RGS7: variants seen among roughly 807,000 people sequenced by gnomAD.
The protein encoded by RGS7 is regulator of G protein signaling 7.
In RGS7, 27 loss-of-function variants were observed where a neutral mutation model predicts 81.1. That is an observed-to-expected ratio of 0.33 (90% CI 0.25 to 0.46). RGS7 has a LOEUF of 0.46. RGS7 is among the 20% of genes least tolerant of loss of function. RGS7 has a pLI of 1.00. For synonymous variants in RGS7, 208 were observed against 207.7 expected, an observed-to-expected ratio of 1.00 and a Z score of -0.01; for missense variants, 396 against 607.4, an observed-to-expected ratio of 0.65 and a Z score of 3.66.
At chr1:241,149,000 A>T (rs1359554722) in intron 2 of RGS7, among the ~76,000 whole-genome samples, 1 of 152,260 alleles carries the variant, frequency 6.6e-6, no homozygotes, top group Admixed American at 6.5e-5. Context: ...CCAACAGGGC[A>T]TCACTGGATT....
At chr1:241,114,318 G>A (rs1053337813) in intron 2 of RGS7, among the ~76,000 whole-genome samples, 1 of 151,210 alleles carries the variant, frequency 6.6e-6, no homozygotes, top group Admixed American at 6.6e-5. Flanking sequence ...GTCAGAGCTC[G>A]CTCTTTCTCT....
At chr1:240,835,074 G>A (rs529348010) in intron 9 of RGS7, among the ~76,000 whole-genome samples, 6 of 151,918 alleles carry the variant, frequency 3.9e-5, no homozygotes, top group South Asian at 2.1e-4. Flanking sequence ...ATACCCTATC[G>A]AAGGCACAAT....
intron 5 of RGS7, among the ~76,000 whole-genome samples, chr1:240,932,788 G>T (rs1451352165): frequency 6.7e-6 from 1 of 149,720 alleles, no homozygotes; most frequent in Non-Finnish European, 1.5e-5. Context: ...GATTACAGGT[G>T]TGAGCCACTG....
At chr1:240,956,962 T>C (rs1214169717) in intron 4 of RGS7, among the ~76,000 whole-genome samples, 1 of 152,160 alleles carries the variant, frequency 6.6e-6, no homozygotes, top group East Asian at 1.9e-4. Context: ...TTTGAGAAAC[T>C]GTCATAGTCT....
At chr1:240,790,767 T>C (rs1313261490) in intron 18 of RGS7, among the ~76,000 whole-genome samples, 1 of 152,136 alleles carries the variant, frequency 6.6e-6, no homozygotes, top group African/African-American at 2.4e-5. Flanking sequence ...GGGCTGGGGA[T>C]TGGACCCAGG....
intron 18 of RGS7, among the ~76,000 whole-genome samples, chr1:240,794,543 C>T (rs1891429): frequency 0.088 from 13,327 of 152,216 alleles, 1,965 homozygotes; most frequent in African/African-American, 0.3. Flanking sequence ...TCCTAGGACC[C>T]TTTCCAAAAT....
chr1:240,944,282 G>GTATGTATATATA (rs1678184337), intron 4 of RGS7, among the ~76,000 whole-genome samples: 1 of 55,820 alleles, frequency 1.8e-5, no homozygotes, highest in Non-Finnish European at 3.1e-5. Context: ...GTGTGTGTGT[G>GTATGTATATATA]TATATATATA....
Position 240,781,659 on chromosome 1 carries a change from A to G in RGS7, c.*7-5446T>C, listed in dbSNP as rs138959628. 7.2e-3 allele frequency among the ~76,000 whole-genome samples: 1,096 copies of G among 152,330 alleles called. 19 individuals carry two copies. The highest frequency in any genetic ancestry group is 0.021 in the African/African-American group (878 of 41,572). On this transcript the variant is annotated intron_variant, in intron 18 of 18. Transcript: ENST00000440928. ...GTGGTATAGATTTATCAAATGTGCA[A>G]TAAGGATATTTGTTTTGTATATTGA...
intron 3 of RGS7, among the ~76,000 whole-genome samples, chr1:241,012,891 C>T (rs569418860): frequency 2.0e-5 from 3 of 152,096 alleles, no homozygotes; most frequent in South Asian, 4.1e-4. Flanking sequence ...GGCTGGGCTG[C>T]TACCCGTGAG....
chr1:240,831,216 G>A (rs905676946), intron 9 of RGS7, among the ~76,000 whole-genome samples: 2 of 151,646 alleles, frequency 1.3e-5, no homozygotes, highest in African/African-American at 4.9e-5. Flanking sequence ...AGGCCTCATG[G>A]GACAGCTAAT....
At chr1:241,093,337 C>A (rs1232446052) in intron 3 of RGS7, among the ~76,000 whole-genome samples, 1 of 152,046 alleles carries the variant, frequency 6.6e-6, no homozygotes, top group Non-Finnish European at 1.5e-5. Flanking sequence ...ACTTTTTAAA[C>A]CTCTGCTAAA....
chr1:240,813,396 G>T (rs1435596509), intron 13 of RGS7, among the ~76,000 whole-genome samples: 2 of 151,870 alleles, frequency 1.3e-5, no homozygotes, highest in African/African-American at 4.8e-5. Flanking sequence ...TTTTGGGACG[G>T]TCTTTCCAGC....
chr1:241,238,546 A>C (rs563310389), intron 2 of RGS7, among the ~76,000 whole-genome samples: 1 of 151,916 alleles, frequency 6.6e-6, no homozygotes, highest in African/African-American at 2.4e-5. Context: ...TTTTCTTTTA[A>C]AATTTTTAGA....
intron 9 of RGS7, among the ~76,000 whole-genome samples, chr1:240,834,669 C>T (rs1484601671): frequency 6.6e-6 from 1 of 152,006 alleles, no homozygotes; most frequent in East Asian, 1.9e-4. Context: ...CGCCACCACG[C>T]CCAGCTAATT....
intron 2 of RGS7, among the ~76,000 whole-genome samples, chr1:241,201,381 C>T (rs1021394716): frequency 1.3e-5 from 2 of 152,168 alleles, no homozygotes; most frequent in Admixed American, 1.3e-4. Flanking sequence ...GAACAAACTC[C>T]TTGGCCTGTC....
chr1:241,016,293 T>A (rs1013373002), intron 3 of RGS7, among the ~76,000 whole-genome samples: 6 of 151,918 alleles, frequency 3.9e-5, no homozygotes, highest in Non-Finnish European at 5.9e-5. Flanking sequence ...GCCAAGGTGG[T>A]CTGATTATGA....
chr1:240,963,154 AGAGAGAGGTG>A (rs548543174), intron 4 of RGS7, among the ~76,000 whole-genome samples: 2 of 152,272 alleles, frequency 1.3e-5, no homozygotes, highest in African/African-American at 4.8e-5. Flanking sequence ...TAGTGGGAGT[AGAGAGAGGTG>A]GACAGATCTG....
rs1041972046 is a variant in RGS7, at chr1:240,906,044, A to G, written c.385+24673T>C. Reference sequence around the variant, plus strand: ...TCTGCCCGGCATAGTCCTACCACCCATATTGCCACACTGGTTTTAGCAGGG... The same window carrying G: ...TCTGCCCGGCATAGTCCTACCACCCGTATTGCCACACTGGTTTTAGCAGGG... On this transcript the variant is annotated intron_variant, in intron 6 of 18. Coordinates refer to ENST00000440928, the MANE Select transcript of RGS7 (RefSeq NM_001364886.1). Among the ~76,000 whole-genome samples the G allele has an allele frequency of 5.9e-5, 9 of 152,154 alleles. No individual in the cohort carries two copies. In the South Asian group the frequency reaches 6.2e-4, roughly 11 times the overall value.
chr1:240,862,425 C>T (rs373696958), intron 9 of RGS7, among the ~76,000 whole-genome samples: 76 of 152,260 alleles, frequency 5.0e-4, no homozygotes, highest in South Asian at 1.7e-3. Context: ...TGGCTAATGG[C>T]TTCCAATCCA....
Sources: allele counts gnomAD v4.1 joint callset (sites outside exome capture counted in the v4.1 genomes callset), GRCh38; gene constraint gnomAD v4.1.1; transcripts MANE v1.5; gene names NCBI Gene and HGNC (gene_info 2026-07-23, HGNC 2026-07-21).